Variants in CADM2 observed in about 807,000 individuals in gnomAD.
CADM2 encodes immunoglobulin superfamily member 4D.
Under a neutral mutation model 49.8 loss-of-function variants are expected in CADM2, and 12 were observed. The ratio of observed to expected loss-of-function variants is 0.24; its 90% CI spans 0.15 to 0.39. The LOEUF (loss-of-function observed/expected upper bound fraction) is 0.39. Among genes scored for constraint, CADM2 ranks in the 10% least tolerant of loss-of-function variants. The pLI is 1.00. For synonymous variants in CADM2, 214 were observed against 175.4 expected (o/e 1.22, Z -1.74); for missense variants, 378 against 492.3 (o/e 0.77, Z 2.20).
chr3:85,651,219 G>T (rs1220998735), intron 1 of CADM2, among the ~76,000 whole-genome samples: 1 of 152,042 alleles, frequency 6.6e-6, no homozygotes, highest in Non-Finnish European at 1.5e-5. Flanking sequence ...AAAATTCAGT[G>T]AACATTTTAT....
rs1247503704 is a variant in CADM2 at position 86,068,605 on chromosome 3, A to G, written c.*1822A>G. On this transcript the variant is annotated 3_prime_UTR_variant, in exon 10 of 10. Coordinates refer to ENST00000383699, the MANE Select transcript of CADM2 (RefSeq NM_001167675.2). The stretch of plus-strand genomic sequence containing the variant: ...ATCTTTGATTATTTATCAAAAAAGT[A>G]TAAATCTTTTAAGGAAAATGTTAGA... 6.6e-5 allele frequency: 10 copies of G among 152,160 alleles called. No individual in the cohort carries two copies. The highest frequency in any genetic ancestry group is 4.6e-4 in the Admixed American group (7 of 15,252). The allele number at this position is 152,160 out of a possible 1,614,324, so 9.4% of individuals were successfully genotyped here. A position where few individuals can be genotyped will look rare whatever the true frequency, so the allele number is the denominator to read the frequency against.
chr3:86,013,867 T>C, intron 8 of CADM2: 1 of 1,594,428 alleles, frequency 6.3e-7, no homozygotes, highest in Non-Finnish European at 8.6e-7. Context: ...ATGAAAGTTG[T>C]TGCTTCTAGA....
chr3:85,928,417 A>G (rs1316839744), intron 6 of CADM2, among the ~76,000 whole-genome samples: 1 of 152,146 alleles, frequency 6.6e-6, no homozygotes, highest in East Asian at 1.9e-4. Flanking sequence ...TCGGCCTCCG[A>G]AAGTGCTGGG....
intron 1 of CADM2, among the ~76,000 whole-genome samples, chr3:85,282,260 T>C (rs2043519115): frequency 6.9e-6 from 1 of 145,394 alleles, no homozygotes; most frequent in Non-Finnish European, 1.5e-5. Context: ...GCTTTTTTTT[T>C]TTTTTGCCTT....
rs559259059 is a variant in CADM2 at position 85,938,245 on chromosome 3, G to T, written c.791+2388G>T. ...TACTATTTCCAACAGTGCCAGATGA[G>T]GCAGAAAGGACAAAAAACAAGACAA... On this transcript the variant is annotated intron_variant, in intron 7 of 9. Transcript: ENST00000383699. Among the ~76,000 whole-genome samples, 159 of 152,008 alleles carry T rather than the reference G, an allele frequency of 1.0e-3. 1 individual carries two copies. The highest frequency in any genetic ancestry group is 3.5e-3 in the African/African-American group (147 of 41,488).
At chr3:85,007,290 A>G (rs1394726653) in intron 1 of CADM2, among the ~76,000 whole-genome samples, 6 of 152,102 alleles carry the variant, frequency 3.9e-5, no homozygotes, top group Admixed American at 1.3e-4. Context: ...GAGGTCAGCA[A>G]TTTTTTCTGT....
rs78813340 is a variant in CADM2, at chr3:85,031,125, A to T, written c.61+71457A>T. On this transcript the variant is annotated intron_variant, in intron 1 of 9. Transcript: ENST00000383699. ...ACGGCCTGACAGTGACTGTGATCTG[A>T]GGTTGATAGATTCAGCCACTGGCCC... Among the ~76,000 whole-genome samples, 714 of 152,262 alleles carry T rather than the reference A, an allele frequency of 4.7e-3. 5 individuals are homozygous for T. The highest frequency in any genetic ancestry group is 0.017 in the African/African-American group (688 of 41,560).
At chr3:85,543,277 CAG>C (rs2061586853) in intron 1 of CADM2, among the ~76,000 whole-genome samples, 1 of 140,044 alleles carries the variant, frequency 7.1e-6, no homozygotes, top group Non-Finnish European at 1.5e-5. Context: ...TTTTTGGAGA[CAG>C]AGTCTTGCCC....
intron 8 of CADM2, among the ~76,000 whole-genome samples, chr3:85,991,035 G>T (rs1010004541): frequency 5.9e-5 from 9 of 152,126 alleles, no homozygotes; most frequent in African/African-American, 1.9e-4. Context: ...CACCAGAGAT[G>T]GGAGATAAAC....
intron 1 of CADM2, among the ~76,000 whole-genome samples, chr3:85,184,938 G>A (rs1251027428): frequency 6.6e-6 from 1 of 152,002 alleles, no homozygotes. Flanking sequence ...TTAAATTAAG[G>A]CAAAGCAGCT....
intron 3 of CADM2, among the ~76,000 whole-genome samples, chr3:85,841,507 T>C (rs1298189803): frequency 6.6e-6 from 1 of 152,064 alleles, no homozygotes; most frequent in Non-Finnish European, 1.5e-5. Flanking sequence ...GGAAACTCCC[T>C]ATATTCAAAG....
Position 85,802,048 on chromosome 3 carries a change from C to A in CADM2, c.90C>A (p.Gly30=), listed in dbSNP as rs11713930. 1.9e-6 allele frequency: 3 copies of A among 1,601,150 alleles called. No individual in the cohort carries two copies. The highest frequency in any genetic ancestry group is 2.3e-5 in the South Asian group (2 of 88,724). ...QAAASKNKVK[G]SQGQFPLTQN... ...ACATTTTCTTTAATCCCCTTTTAGG[C>A]AGCCAAGGGCAGTTTCCACTAACAC... The change falls in exon 3 of 10, where the codon GGC becomes GGA. Residue 30 remains glycine, a splice_region_variant and synonymous_variant. Transcript: ENST00000383699.
intron 8 of CADM2, among the ~76,000 whole-genome samples, chr3:86,056,348 G>C (rs1737990918): frequency 6.6e-6 from 1 of 152,184 alleles, no homozygotes; most frequent in African/African-American, 2.4e-5. Flanking sequence ...TCGCTGAAAG[G>C]AAGAGAACTA....
chr3:85,769,870 C>G (rs2069981803), intron 2 of CADM2, among the ~76,000 whole-genome samples: 2 of 151,362 alleles, frequency 1.3e-5, no homozygotes, highest in African/African-American at 4.8e-5. Flanking sequence ...AAAGGGAAAA[C>G]AAAGCAGCAA....
In CADM2 at chr3:85,279,122, G is replaced by T. The variant is rs111565645; in HGVS notation, c.61+319454G>T. 6.1e-3 allele frequency among the ~76,000 whole-genome samples: 918 copies of T among 151,506 alleles called. 14 individuals carry two copies. The highest frequency in any genetic ancestry group is 0.021 in the African/African-American group (856 of 41,474). ...TCATTTAAATTAATAAGAAACAATG[G>T]TATTTTAGCAAAGTGGCATGCATGC... On this transcript the variant is annotated intron_variant, in intron 1 of 9. Coordinates refer to ENST00000383699, the MANE Select transcript of CADM2 (RefSeq NM_001167675.2).
chr3:85,672,607 A>G (rs12714633), intron 1 of CADM2, among the ~76,000 whole-genome samples: 64,866 of 151,972 alleles, frequency 0.43, 14,121 homozygotes, highest in East Asian at 0.55. Context: ...GAAGAGAAAA[A>G]ATAAACTACA....
At chr3:85,700,667 C>T (rs981262219) in intron 1 of CADM2, among the ~76,000 whole-genome samples, 1 of 152,164 alleles carries the variant, frequency 6.6e-6, no homozygotes, top group Non-Finnish European at 1.5e-5. Flanking sequence ...GGGTTGGGCA[C>T]AATGCCACCA....
chr3:85,921,754 A>ATCTC (rs147793987), intron 6 of CADM2, among the ~76,000 whole-genome samples: 6 of 148,020 alleles, frequency 4.1e-5, no homozygotes, highest in African/African-American at 1.5e-4. Context: ...ATCTACTGTT[A>ATCTC]TCTCTCTCTC....
At chr3:85,986,877 TG>T (rs1219077079) in intron 8 of CADM2, among the ~76,000 whole-genome samples, 1 of 152,052 alleles carries the variant, frequency 6.6e-6, no homozygotes, top group African/African-American at 2.4e-5. Flanking sequence ...AATACTGGCT[TG>T]GGGGTCCAGG....
Sources: gnomAD v4.1 joint callset for allele counts (sites outside exome capture counted in the v4.1 genomes callset) on GRCh38, gnomAD v4.1.1 for gene constraint, MANE v1.5 for transcripts, NCBI Gene and HGNC (gene_info 2026-07-23, HGNC 2026-07-21) for gene names.